NAA40: variants seen among roughly 807,000 people sequenced by gnomAD.
NAA40 encodes the protein N-alpha-acetyltransferase 40, NatD catalytic subunit.
NAA40 carries 26 observed loss-of-function variants against 36.6 expected under a neutral mutation model. That is an observed-to-expected ratio of 0.71 (90% CI 0.52 to 0.98). The LOEUF (loss-of-function observed/expected upper bound fraction) is 0.98. Among genes scored for constraint, NAA40 ranks in the 50% least tolerant of loss-of-function variants. NAA40 has a pLI of 0.00. For synonymous variants in NAA40, 129 were observed against 108.4 expected (o/e 1.19, Z -1.18); for missense variants, 237 against 306.5 (o/e 0.77, Z 1.69).
chr11:63,946,855 C>T (rs1212563613), intron 2 of NAA40, 96 bp from the exon 3 acceptor site: 7 of 1,606,196 alleles, frequency 4.4e-6, no homozygotes, highest in African/African-American at 1.3e-5. Flanking sequence ...GTTGTGGGTC[C>T]CCACAGCATC....
rs1267387032 is a variant in NAA40 at position 63,952,310 on chromosome 11, G to T, written c.228G>T (p.Leu76=). 2 of 1,613,954 alleles carry T rather than the reference G, an allele frequency of 1.2e-6. No individual in the cohort carries two copies. The highest frequency in any genetic ancestry group is 1.1e-5 in the South Asian group (1 of 91,040). Reference sequence around the variant, plus strand: ...CCACCGTGGATTGGGCCTTCGACCTGACCAAAACGAATATGCAAACCATGT... The same window carrying T: ...CCACCGTGGATTGGGCCTTCGACCTTACCAAAACGAATATGCAAACCATGT... ...EPATVDWAFD[L]TKTNMQTMYE... The change falls in exon 4 of 8, where the codon CTG becomes CTT. Residue 76 remains leucine, a synonymous_variant. Transcript: ENST00000377793.
At chr11:63,953,841 G>A in intron 6 of NAA40, 131 bp from the exon 7 acceptor site, 1 of 741,354 alleles carries the variant, frequency 1.3e-6, no homozygotes. Flanking sequence ...TGTTTTCCAG[G>A]CTGGTCTCTA....
At chr11:63,949,743 G>GT (rs10708671) in intron 3 of NAA40, among the ~76,000 whole-genome samples, 34,004 of 108,468 alleles carry the variant, frequency 0.31, 5,974 homozygotes, top group Non-Finnish European at 0.42. Context: ...CTTGCAAGCT[G>GT]TTTTTTTTTT....
intron 1 of NAA40, among the ~76,000 whole-genome samples, chr11:63,941,169 TCTG>T (rs1289412603): frequency 6.6e-6 from 1 of 152,222 alleles, no homozygotes; most frequent in Non-Finnish European, 1.5e-5. Context: ...CAAAGTCTCT[TCTG>T]GCCTAAAATT....
chr11:63,954,404 C>A lies in NAA40; in HGVS notation c.639C>A (p.Ile213=). ...GTGGGGAGGATTGCTCCTATGAGAT[C>A]CTGAGCCGGAGGACCAAGTTTGGGG... The part of the protein sequence containing the change: ...GCCGEDCSYE[I]LSRRTKFGDS... The change falls in exon 8 of 8, where the codon ATC becomes ATA. Residue 213 remains isoleucine, a synonymous_variant. Transcript: ENST00000377793. 6.2e-7 allele frequency: 1 copy of A among 1,612,868 alleles called. No homozygotes were observed. The highest frequency in any genetic ancestry group is 8.5e-7 in the Non-Finnish European group (1 of 1,179,404).
chr11:63,946,508 G>A lies in NAA40; in HGVS notation c.103-443G>A, dbSNP rs114548773. 3.3e-3 allele frequency: 3,730 copies of A among 1,137,022 alleles called. 105 individuals carry two copies. The African/African-American group carries it at 0.056, about 17-fold the overall frequency. 70.4% of individuals were successfully genotyped at this position (1,137,022 alleles called of 1,614,324 possible). The stretch of plus-strand genomic sequence containing the variant: ...GCGTGAGCCACAGTGCCCAGCCCCT[G>A]CCTCCATTTAGTATCCCATTTTTTG... On this transcript the variant is annotated intron_variant, in intron 2 of 7. Coordinates refer to ENST00000377793, the MANE Select transcript of NAA40 (RefSeq NM_024771.4).
Position 63,952,812 on chromosome 11 carries a change from T to C in NAA40, c.467T>C (p.Ile156Thr), listed in dbSNP as rs765051375. 1.2e-6 allele frequency: 2 copies of C among 1,614,116 alleles called. No individual in the cohort carries two copies. Among genetic ancestry groups the C allele is most frequent in the Non-Finnish European group, 1.7e-6 (2 of 1,180,024 alleles). The change falls in exon 6 of 8, where the codon ATA becomes ACA. Residue 156 changes from isoleucine to threonine, a missense_variant. Ile to Thr is a moderately conservative substitution (Grantham distance 89). Transcript: ENST00000377793. ...VRRKGLGKFL[I>T]QILQLMANST... ...CGGAAAGGCCTGGGGAAGTTCCTCA[T>C]ACAGATCCTGCAGCTCATGGCCAAC...
Position 63,939,003 on chromosome 11 carries a change from T to C in NAA40, c.-94T>C. The C allele has an allele frequency of 2.2e-6, 2 of 911,074 alleles. No homozygotes were observed. The highest frequency in any genetic ancestry group is 3.2e-6 in the Non-Finnish European group (2 of 619,068). 56.4% of individuals were successfully genotyped at this position (911,074 alleles called of 1,614,324 possible). A position where few individuals can be genotyped will look rare whatever the true frequency, so the allele number is the denominator to read the frequency against. The stretch of plus-strand genomic sequence containing the variant: ...GAGGCGCATGCGCGTTGCAGGGCCG[T>C]CCGCTCTGCTGCCGCCGCTGTTGCA... On this transcript the variant is annotated 5_prime_UTR_variant, in exon 1 of 8. Coordinates refer to ENST00000377793, the MANE Select transcript of NAA40 (RefSeq NM_024771.4).
intron 2 of NAA40, 114 bp from the exon 3 acceptor site, chr11:63,946,837 A>G: frequency 6.3e-7 from 1 of 1,595,094 alleles, no homozygotes; most frequent in Non-Finnish European, 8.6e-7. Context: ...TTCTGAAGTT[A>G]GTCTCCCGTT....
At chr11:63,952,174 G>C in intron 3 of NAA40, 64 bp from the exon 4 acceptor site, 1 of 1,275,492 alleles carries the variant, frequency 7.8e-7, no homozygotes, top group South Asian at 1.3e-5. Flanking sequence ...TTCTGAGGGA[G>C]GAACAGCAGT....
At position 63,939,028 on chromosome 11, in the gene NAA40, A is replaced by C. The variant is rs1032299315; in HGVS notation, c.-69A>C. ...TCCGCTCTGCTGCCGCCGCTGTTGCAGCCACCGCCGTTGCCGCCTCCCTGC... is the reference window on the plus strand; with the variant it reads ...TCCGCTCTGCTGCCGCCGCTGTTGCCGCCACCGCCGTTGCCGCCTCCCTGC... On this transcript the variant is annotated 5_prime_UTR_variant, in exon 1 of 8. Transcript: ENST00000377793. 63 of 1,537,952 alleles carry C rather than the reference A, an allele frequency of 4.1e-5. No homozygotes were observed. The highest frequency in any genetic ancestry group is 4.7e-5 in the Non-Finnish European group (54 of 1,139,154).
chr11:63,955,672 T>A lies in NAA40; in HGVS notation c.*1193T>A, dbSNP rs1942353034. 1 of 152,454 alleles carries A rather than the reference T, an allele frequency of 6.6e-6. No homozygotes were observed. The highest frequency in any genetic ancestry group is 2.1e-4 in the South Asian group (1 of 4,832). 9.4% of individuals were successfully genotyped at this position (152,454 alleles called of 1,614,324 possible). On this transcript the variant is annotated 3_prime_UTR_variant, in exon 8 of 8. Coordinates refer to ENST00000377793, the MANE Select transcript of NAA40 (RefSeq NM_024771.4). ...GCCTCTCAGTGGCCAACAGTTGCTT[T>A]TCTCTCTGGTGTCACCCTGTGGCAA...
At chr11:63,945,478 T>C (rs1319280018) in intron 1 of NAA40, among the ~76,000 whole-genome samples, 2 of 152,160 alleles carry the variant, frequency 1.3e-5, no homozygotes, top group African/African-American at 2.4e-5. Flanking sequence ...TCAGTGTGTC[T>C]AAAGTTGGGT....
rs1265035392 is a variant in NAA40, at chr11:63,956,602, A to G, written c.*2123A>G. On this transcript the variant is annotated 3_prime_UTR_variant, in exon 8 of 8. Transcript: ENST00000377793. The stretch of plus-strand genomic sequence containing the variant: ...GGAGAGGCACTATCTGAGACCTGCA[A>G]TCACTCTTGTTGGTCTTGAGCCCAT... 6 of 152,608 alleles carry G rather than the reference A, an allele frequency of 3.9e-5. No individual in the cohort carries two copies. Among genetic ancestry groups the G allele is most frequent in the African/African-American group, 4.8e-5 (2 of 41,432 alleles). 9.5% of individuals were successfully genotyped at this position (152,608 alleles called of 1,614,324 possible).
intron 3 of NAA40, among the ~76,000 whole-genome samples, chr11:63,951,996 T>C (rs2134278948): frequency 6.6e-6 from 1 of 152,034 alleles, no homozygotes; most frequent in South Asian, 2.1e-4. Flanking sequence ...TAGGACAGCT[T>C]GGGGAGGCAG....
chr11:63,954,135 T>C (rs1942325345), intron 7 of NAA40, 86 bp downstream of exon 7: 1 of 1,458,466 alleles, frequency 6.9e-7, no homozygotes, highest in East Asian at 2.3e-5. Context: ...CTCATTCTGA[T>C]GCCTGAGCTC....
chr11:63,952,629 C>T, intron 5 of NAA40, 64 bp downstream of exon 5: 2 of 1,605,592 alleles, frequency 1.2e-6, no homozygotes, highest in South Asian at 2.2e-5. Context: ...GGCACTCCAG[C>T]CAGGTGACAA....
chr11:63,939,497 G>A (rs1014871954), intron 1 of NAA40: 2 of 1,016,846 alleles, frequency 2.0e-6, no homozygotes, highest in East Asian at 8.9e-5. Context: ...TGGCTTGGAG[G>A]GAATTGAGGC....
rs1942062266 is a variant in NAA40 at position 63,939,053 on chromosome 11, C to T, written c.-44C>T. On this transcript the variant is annotated 5_prime_UTR_variant, in exon 1 of 8. Transcript: ENST00000377793. ...AGCCACCGCCGTTGCCGCCTCCCTG[C>T]CGGCAAGTGTGTGAAGAAGAAGCTG... is the stretch of plus-strand genomic sequence containing the variant. 3 of 1,601,314 alleles carry T rather than the reference C, an allele frequency of 1.9e-6. No individual in the cohort carries two copies. The highest frequency in any genetic ancestry group is 2.3e-5 in the East Asian group (1 of 42,958).
Sources: gnomAD v4.1 joint callset for allele counts (sites outside exome capture counted in the v4.1 genomes callset) on GRCh38, gnomAD v4.1.1 for gene constraint, MANE v1.5 for transcripts, NCBI Gene and HGNC (gene_info 2026-07-23, HGNC 2026-07-21) for gene names.